Variants in ASTN2 observed in about 807,000 individuals in gnomAD.
ASTN2 encodes the protein astrotactin-2.
In ASTN2, 54 loss-of-function variants were observed where a neutral mutation model predicts 139.8. The ratio of observed to expected loss-of-function variants is 0.39; its 90% CI spans 0.31 to 0.48. ASTN2 has a LOEUF of 0.48. Ranked by LOEUF, ASTN2 falls within the 20% of genes least tolerant of loss-of-function variation. ASTN2 has a pLI of 0.95. For synonymous variants in ASTN2, 756 were observed against 719.5 expected (o/e 1.05, Z -0.81); for missense variants, 1,565 against 1,725.1 (o/e 0.91, Z 1.64).
At chr9:117,261,269 G>C (rs1833815556) in intron 2 of ASTN2, among the ~76,000 whole-genome samples, 1 of 152,182 alleles carries the variant, frequency 6.6e-6, no homozygotes, top group African/African-American at 2.4e-5. Context: ...ATAGAGACTA[G>C]GCAAGTTGAG....
intron 3 of ASTN2, among the ~76,000 whole-genome samples, chr9:117,168,055 G>A (rs1447606502): frequency 6.6e-6 from 1 of 152,078 alleles, no homozygotes; most frequent in Admixed American, 6.6e-5. Context: ...GCTTCTTTGA[G>A]ACTCAGTTTT....
chr9:117,322,913 A>G (rs1442166450), intron 1 of ASTN2, among the ~76,000 whole-genome samples: 2 of 151,926 alleles, frequency 1.3e-5, no homozygotes, highest in African/African-American at 4.8e-5. Flanking sequence ...TTTTCCTTCA[A>G]CCTTTCCAGT....
At position 116,442,500 on chromosome 9, in the gene ASTN2, AC is replaced by A. The variant is rs1564280000; in HGVS notation, c.3550del (p.Val1184Ter). ...TRGRHSELST[V>X]TLRTACPLVD... is the part of the protein sequence containing the mutation. ...CAGTGGACAGGCCGTCCTCAGGGTC[AC>A]CGTGCTTAGCTCTGAGTGCCTCCCT... On this transcript the variant is annotated frameshift_variant, in exon 21 of 23. Transcript: ENST00000313400. LOFTEE classifies it high-confidence loss of function. The A allele has an allele frequency of 3.1e-6, 5 of 1,614,106 alleles. No homozygotes were observed. The highest frequency in any genetic ancestry group is 2.5e-6 in the Non-Finnish European group (3 of 1,180,014).
intron 1 of ASTN2, among the ~76,000 whole-genome samples, chr9:117,330,599 C>T (rs1828674720): frequency 6.6e-6 from 1 of 152,118 alleles, no homozygotes; most frequent in Non-Finnish European, 1.5e-5. Context: ...CTCTTCGCCT[C>T]CTCCCCACCT....
chr9:116,466,842 T>C (rs920609580), intron 20 of ASTN2, among the ~76,000 whole-genome samples: 1 of 152,234 alleles, frequency 6.6e-6, no homozygotes, highest in African/African-American at 2.4e-5. Context: ...GCTTCTGTTT[T>C]CTCATCTGTA....
chr9:117,166,161 G>A (rs1244738319), intron 3 of ASTN2, among the ~76,000 whole-genome samples: 1 of 152,010 alleles, frequency 6.6e-6, no homozygotes, highest in Non-Finnish European at 1.5e-5. Context: ...ATAATACCAA[G>A]CATCTGCATA....
intron 1 of ASTN2, among the ~76,000 whole-genome samples, chr9:117,400,710 G>GT (rs1830805725): frequency 6.6e-6 from 1 of 152,180 alleles, no homozygotes; most frequent in African/African-American, 2.4e-5. Flanking sequence ...AGCTTTAACT[G>GT]TAACTCCAGC....
intron 16 of ASTN2, among the ~76,000 whole-genome samples, chr9:116,711,478 T>C (rs1392206693): frequency 1.1e-4 from 17 of 152,248 alleles, no homozygotes; most frequent in Admixed American, 1.1e-3. Flanking sequence ...ACTTCAATCA[T>C]GTATGCAGCT....
intron 16 of ASTN2, among the ~76,000 whole-genome samples, chr9:116,704,128 A>T (rs1287176548): frequency 6.6e-6 from 1 of 152,144 alleles, no homozygotes; most frequent in African/African-American, 2.4e-5. Context: ...CATTTTAACT[A>T]GCTGTGTGAC....
At chr9:117,380,481 T>A (rs1587997036) in intron 1 of ASTN2, among the ~76,000 whole-genome samples, 1 of 151,652 alleles carries the variant, frequency 6.6e-6, no homozygotes, top group East Asian at 1.9e-4. Flanking sequence ...GTTGTGCGCC[T>A]GCAGTCCCAG....
At chr9:116,700,536 C>G (rs1175209538) in intron 16 of ASTN2, 1 of 167,140 alleles carries the variant, frequency 6.0e-6, no homozygotes, top group African/African-American at 2.4e-5. Context: ...TTCATACTAC[C>G]TCTCTCTTCT....
chr9:116,425,846 C>A lies in ASTN2; in HGVS notation c.*5G>T. On this transcript the variant is annotated 3_prime_UTR_variant, in exon 23 of 23. Coordinates refer to ENST00000313400, the MANE Select transcript of ASTN2 (RefSeq NM_001365068.1). ...CTCTGTGCTCACGGAGGGCAATACCCTCCCTCACCGGCCCTTGGACTCCCC... is the reference window on the plus strand; with the variant it reads ...CTCTGTGCTCACGGAGGGCAATACCATCCCTCACCGGCCCTTGGACTCCCC... The A allele has an allele frequency of 6.2e-7, 1 of 1,614,124 alleles. No homozygotes were observed.
chr9:117,211,938 C>CCCATACAGATAG (rs59160255), intron 3 of ASTN2, among the ~76,000 whole-genome samples: 145,226 of 152,180 alleles, frequency 0.95, 69,456 homozygotes, highest in Non-Finnish European at 0.99. Context: ...CTCCCATGCT[C>CCCATACAGATAG]ATGCAATCTT....
intron 7 of ASTN2, among the ~76,000 whole-genome samples, chr9:116,997,991 G>A (rs573585004): frequency 3.9e-5 from 6 of 152,250 alleles, no homozygotes; most frequent in African/African-American, 1.2e-4. Context: ...TGAGAGAAAT[G>A]GGATTTATGA....
At chr9:116,512,495 A>G (rs902353787) in intron 19 of ASTN2, among the ~76,000 whole-genome samples, 1 of 152,082 alleles carries the variant, frequency 6.6e-6, no homozygotes, top group Non-Finnish European at 1.5e-5. Context: ...TGGGGTGGAG[A>G]GTTCTGTAGA....
chr9:116,686,105 T>C (rs942279036), intron 16 of ASTN2, among the ~76,000 whole-genome samples: 2 of 152,222 alleles, frequency 1.3e-5, no homozygotes, highest in African/African-American at 4.8e-5. Context: ...ACTACCATAA[T>C]CTTGGCTTAT....
At chr9:117,329,901 T>A (rs1234569627) in intron 1 of ASTN2, among the ~76,000 whole-genome samples, 1 of 152,218 alleles carries the variant, frequency 6.6e-6, no homozygotes, top group South Asian at 2.1e-4. Context: ...GCACTTCTCA[T>A]GCACTCTCCC....
chr9:116,881,744 CAA>C (rs1218627179), intron 10 of ASTN2, among the ~76,000 whole-genome samples: 4 of 152,164 alleles, frequency 2.6e-5, no homozygotes, highest in Non-Finnish European at 4.4e-5. Context: ...CAATTGCCTA[CAA>C]AGAGTTGGTT....
At chr9:117,409,430 G>A (rs1430006192) in intron 1 of ASTN2, among the ~76,000 whole-genome samples, 3 of 152,236 alleles carry the variant, frequency 2.0e-5, no homozygotes, top group African/African-American at 4.8e-5. Context: ...TCCATTCTTC[G>A]AATGTCTGCC....
Sources: allele counts gnomAD v4.1 joint callset (sites outside exome capture counted in the v4.1 genomes callset), GRCh38; gene constraint gnomAD v4.1.1; transcripts MANE v1.5; gene names NCBI Gene and HGNC (gene_info 2026-07-23, HGNC 2026-07-21).